Variants in PIGL observed in about 807,000 individuals in gnomAD.
PIGL encodes N-acetylglucosaminyl-phosphatidylinositol de-N-acetylase.
In PIGL, 22 loss-of-function variants were observed where a neutral mutation model predicts 31.1. The observed-to-expected ratio is 0.71, with a 90% CI of 0.51 to 1.01. The LOEUF (loss-of-function observed/expected upper bound fraction) is 1.01, where lower values mean the gene tolerates loss of function less well. Ranked by LOEUF, PIGL falls within the 50% of genes least tolerant of loss-of-function variation. The pLI is 0.00. For synonymous variants in PIGL, 131 were observed against 117.4 expected, an observed-to-expected ratio of 1.12 and a Z score of -0.75; for missense variants, 302 against 315.9, an observed-to-expected ratio of 0.96 and a Z score of 0.33.
Position 16,217,256 on chromosome 17 carries a change from G to T in PIGL, c.30G>T (p.Ala10=), listed in dbSNP as rs147669920. The T allele has an allele frequency of 6.2e-7, 1 of 1,614,074 alleles. No homozygotes were observed. Among genetic ancestry groups the T allele is most frequent in the Non-Finnish European group, 8.5e-7 (1 of 1,180,022 alleles). The part of the protein sequence containing the change: MEAMWLLCV[A]LAVLAWGFLW... ...AAGCAATGTGGCTCCTGTGTGTGGCGTTGGCGGTCTTGGCATGGGGCTTCC... is the reference window on the plus strand; with the variant it reads ...AAGCAATGTGGCTCCTGTGTGTGGCTTTGGCGGTCTTGGCATGGGGCTTCC... The change falls in exon 1 of 7, where the codon GCG becomes GCT. Residue 10 remains alanine, a synonymous_variant. Coordinates refer to ENST00000225609, the MANE Select transcript of PIGL (RefSeq NM_004278.4).
chr17:16,309,519 T>C (rs2093039538), intron 3 of PIGL, among the ~76,000 whole-genome samples: 1 of 151,526 alleles, frequency 6.6e-6, no homozygotes. Flanking sequence ...TCACAGCACC[T>C]TGGGAGGCCA....
At chr17:16,290,466 T>C (rs1465389230) in intron 2 of PIGL, among the ~76,000 whole-genome samples, 2 of 151,928 alleles carry the variant, frequency 1.3e-5, no homozygotes, top group Admixed American at 1.3e-4. Context: ...TGGTTATGGT[T>C]CACTGCAGTC....
In PIGL at chr17:16,282,482, C is replaced by T. The variant is rs114440378; in HGVS notation, c.336-17406C>T. Among the ~76,000 whole-genome samples the T allele has an allele frequency of 9.5e-3, 1,446 of 152,066 alleles. 30 individuals carry two copies. The highest frequency in any genetic ancestry group is 0.033 in the African/African-American group (1,348 of 41,474). Reference sequence around the variant, plus strand: ...ATTTTACATACCCTAAACACCCATACCCAAACACCTTGACAAAGGAATCAT... The same window carrying T: ...ATTTTACATACCCTAAACACCCATATCCAAACACCTTGACAAAGGAATCAT... On this transcript the variant is annotated intron_variant, in intron 2 of 6. Coordinates refer to ENST00000225609, the MANE Select transcript of PIGL (RefSeq NM_004278.4).
At chr17:16,272,817 G>A (rs1487807724) in intron 2 of PIGL, among the ~76,000 whole-genome samples, 1 of 152,020 alleles carries the variant, frequency 6.6e-6, no homozygotes, top group African/African-American at 2.4e-5. Context: ...TTACTTCCCT[G>A]GCCACTTGGG....
chr17:16,270,440 A>C (rs2092866298), intron 2 of PIGL, among the ~76,000 whole-genome samples: 2 of 137,562 alleles, frequency 1.5e-5, no homozygotes. Context: ...ATTATAAATT[A>C]TTAATTATAA....
In PIGL at chr17:16,300,779, G is replaced by A. The variant is rs74448808; in HGVS notation, c.426+801G>A. ...TCCAAGGTAAACAAGTGGTGGTGAA[G>A]CCAGGATTTTTAAGCATTGATTTCT... On this transcript the variant is annotated intron_variant, in intron 3 of 6. Transcript: ENST00000225609. Among the ~76,000 whole-genome samples the A allele has an allele frequency of 6.5e-3, 986 of 152,200 alleles. 14 individuals are homozygous for A. Among genetic ancestry groups the A allele is most frequent in the African/African-American group, 0.023 (953 of 41,530 alleles).
chr17:16,321,965 G>T (rs1488812470), intron 6 of PIGL, among the ~76,000 whole-genome samples: 1 of 151,936 alleles, frequency 6.6e-6, no homozygotes, highest in Non-Finnish European at 1.5e-5. Context: ...TGTATTTTTA[G>T]TACAGACAGG....
chr17:16,274,261 C>A (rs189065098), intron 2 of PIGL, among the ~76,000 whole-genome samples: 10 of 152,070 alleles, frequency 6.6e-5, no homozygotes, highest in African/African-American at 2.4e-4. Context: ...AAGGTTGGAG[C>A]GTGTAAAGGA....
rs1197171634 is a variant in PIGL, at chr17:16,246,672, C to CTTTTTTTT, written c.335+12619_335+12626dup. 7.5e-4 allele frequency among the ~76,000 whole-genome samples: 48 copies of CTTTTTTTT among 64,174 alleles called. 7 individuals are homozygous for CTTTTTTTT. Among genetic ancestry groups the CTTTTTTTT allele is most frequent in the African/African-American group, 2.5e-3 (43 of 17,434 alleles). 42.1% of individuals were successfully genotyped at this position (64,174 alleles called of 152,430 possible). A position where few individuals can be genotyped will look rare whatever the true frequency, so the allele number is the denominator to read the frequency against. ...GCAGGCTAGAAGTCCAGATCAAGGT[C>CTTTTTTTT]TTTTTTTTTTTTTTTTTTTTTTTTG... is the stretch of plus-strand genomic sequence containing the variant. On this transcript the variant is annotated intron_variant, in intron 2 of 6. Transcript: ENST00000225609.
intron 3 of PIGL, among the ~76,000 whole-genome samples, chr17:16,307,839 C>T (rs1365318617): frequency 6.6e-6 from 1 of 151,478 alleles, no homozygotes; most frequent in Non-Finnish European, 1.5e-5. Flanking sequence ...GGCCCGGTGG[C>T]ACGTGCCTAT....
At chr17:16,237,805 C>CAAAAAA (rs57265734) in intron 2 of PIGL, among the ~76,000 whole-genome samples, 16 of 101,732 alleles carry the variant, frequency 1.6e-4, no homozygotes, top group South Asian at 1.1e-3. Context: ...GTCTCAAAAG[C>CAAAAAA]AAAAAAAAAA....
chr17:16,317,917 T>C lies in PIGL; in HGVS notation c.660+9T>C. ...AAGTGGCACAGGCCAAGGTGAGGAT[T>C]GTAAATTCCTGGACACCCCAACTCA... On this transcript the variant is annotated intron_variant, in intron 6 of 6. Coordinates refer to ENST00000225609, the MANE Select transcript of PIGL (RefSeq NM_004278.4). The C allele has an allele frequency of 6.2e-7, 1 of 1,607,970 alleles. No individual in the cohort carries two copies. The highest frequency in any genetic ancestry group is 8.5e-7 in the Non-Finnish European group (1 of 1,179,184).
chr17:16,237,409 AT>A (rs927858526), intron 2 of PIGL, among the ~76,000 whole-genome samples: 103 of 144,382 alleles, frequency 7.1e-4, no homozygotes, highest in Middle Eastern at 3.6e-3. Context: ...CGCCTGGCCT[AT>A]TTTTTTTTTT....
chr17:16,228,206 C>T (rs1367719154), intron 1 of PIGL, among the ~76,000 whole-genome samples: 3 of 151,804 alleles, frequency 2.0e-5, no homozygotes, highest in South Asian at 4.2e-4. Flanking sequence ...CACCCACCAC[C>T]ACCATGCCCG....
At chr17:16,310,910 C>T (rs910859769) in intron 3 of PIGL, among the ~76,000 whole-genome samples, 1 of 152,216 alleles carries the variant, frequency 6.6e-6, no homozygotes. Context: ...AGAACAGCTC[C>T]ACCACTCAGT....
At chr17:16,271,724 G>T (rs1327845151) in intron 2 of PIGL, among the ~76,000 whole-genome samples, 1 of 151,990 alleles carries the variant, frequency 6.6e-6, no homozygotes, top group African/African-American at 2.4e-5. Flanking sequence ...TAGAGATGGG[G>T]TTTCACCATA....
In PIGL at chr17:16,312,761, A is replaced by G. The variant is rs538929363; in HGVS notation, c.427-786A>G. On this transcript the variant is annotated intron_variant, in intron 3 of 6. Transcript: ENST00000225609. ...CAGCGAAACCCCGTCTCCACCAAAA[A>G]AATACGAAAACCAGTCAGGCGTGGC... 8.9e-5 allele frequency: 14 copies of G among 156,992 alleles called. 1 individual carries two copies. In the South Asian group the frequency reaches 2.3e-3, roughly 26 times the overall value. 9.7% of individuals were successfully genotyped at this position (156,992 alleles called of 1,614,324 possible). A position where few individuals can be genotyped will look rare whatever the true frequency, so the allele number is the denominator to read the frequency against.
At chr17:16,221,560 C>T (rs1451400660) in intron 1 of PIGL, among the ~76,000 whole-genome samples, 1 of 151,924 alleles carries the variant, frequency 6.6e-6, no homozygotes, top group Non-Finnish European at 1.5e-5. Flanking sequence ...AGCAATTCTC[C>T]TGCCTCAGCC....
intron 2 of PIGL, among the ~76,000 whole-genome samples, chr17:16,240,176 C>T (rs540463116): frequency 1.3e-5 from 2 of 152,116 alleles, no homozygotes; most frequent in Non-Finnish European, 2.9e-5. Context: ...TCCTCCCTCT[C>T]TCTCTTGCTC....
Sources: allele counts gnomAD v4.1 joint callset (sites outside exome capture counted in the v4.1 genomes callset), GRCh38; gene constraint gnomAD v4.1.1; transcripts MANE v1.5; gene names NCBI Gene and HGNC (gene_info 2026-07-23, HGNC 2026-07-21).